ARHGEF3: variants seen among roughly 807,000 people sequenced by gnomAD.
ARHGEF3 encodes the protein Rho guanine nucleotide exchange factor 3.
A neutral mutation model predicts 63.2 loss-of-function variants in ARHGEF3; 28 were observed. The observed-to-expected ratio is 0.44, with a 90% CI of 0.33 to 0.61. The LOEUF (loss-of-function observed/expected upper bound fraction) is 0.61, where lower values mean the gene tolerates loss of function less well. Ranked by LOEUF, ARHGEF3 falls within the 20% of genes least tolerant of loss-of-function variation. The pLI is 0.03. For missense variants in ARHGEF3, 533 were observed against 659.3 expected (o/e 0.81, Z 2.10); for synonymous variants, 266 against 254.2 (o/e 1.05, Z -0.44).
At position 56,871,475 on chromosome 3, in the gene ARHGEF3, G is replaced by T. The variant is rs2040429899; in HGVS notation, c.192+10817C>A. 2.0e-5 allele frequency among the ~76,000 whole-genome samples: 3 copies of T among 151,940 alleles called. No individual in the cohort carries two copies. In the South Asian group the frequency reaches 6.2e-4, roughly 32 times the overall value. On this transcript the variant is annotated intron_variant, in intron 4 of 12. Transcript: ENST00000338458. The stretch of plus-strand genomic sequence containing the variant: ...CTAAAAACAAAAACAAAAAACAAAG[G>T]TTAAAAAAAGCAATGTGAAGGACCA...
chr3:56,789,816 C>T (rs1043557968), intron 1 of ARHGEF3, among the ~76,000 whole-genome samples: 3 of 152,066 alleles, frequency 2.0e-5, no homozygotes, highest in African/African-American at 7.2e-5. Flanking sequence ...TAAACAGAAA[C>T]TAACTTTAAA....
At chr3:56,819,820 G>A (rs564094040) in intron 4 of ARHGEF3, among the ~76,000 whole-genome samples, 15 of 149,360 alleles carry the variant, frequency 1.0e-4, no homozygotes, top group African/African-American at 3.2e-4. Flanking sequence ...TGCATCTGGT[G>A]CAACTTTTTT....
chr3:56,871,726 A>T (rs1202717818), intron 4 of ARHGEF3, among the ~76,000 whole-genome samples: 1 of 152,246 alleles, frequency 6.6e-6, no homozygotes, highest in Admixed American at 6.5e-5. Flanking sequence ...TTATCATAAC[A>T]GACTGAGTGT....
intron 2 of ARHGEF3, among the ~76,000 whole-genome samples, chr3:57,002,483 A>ATATATGT (rs1553802500): frequency 2.5e-5 from 1 of 40,684 alleles, no homozygotes; most frequent in Non-Finnish European, 4.2e-5. Flanking sequence ...TATATGTTAT[A>ATATATGT]TATATATATA....
At chr3:56,909,084 C>T (rs1204553510) in intron 3 of ARHGEF3, among the ~76,000 whole-genome samples, 4 of 152,294 alleles carry the variant, frequency 2.6e-5, no homozygotes, top group South Asian at 2.1e-4. Context: ...AACACCGCTT[C>T]GCTTCTGGAG....
At chr3:57,030,637 T>C (rs1455458532) in intron 2 of ARHGEF3, among the ~76,000 whole-genome samples, 1 of 152,126 alleles carries the variant, frequency 6.6e-6, no homozygotes, top group East Asian at 1.9e-4. Context: ...CCCTCAAAAT[T>C]CTCTCCTTTG....
chr3:56,738,981 G>C lies in ARHGEF3; in HGVS notation c.871-1626C>G, dbSNP rs192131386. Among the ~76,000 whole-genome samples, 11 of 152,168 alleles carry C rather than the reference G, an allele frequency of 7.2e-5. No homozygotes were observed. In the East Asian group the frequency reaches 1.9e-3, roughly 27 times the overall value. Reference sequence around the variant, plus strand: ...GAGGTGGTGCCCACCTATCATTCCAGCTGCTTGGGAGGCTGAGGTGGGAAA... The same window carrying C: ...GAGGTGGTGCCCACCTATCATTCCACCTGCTTGGGAGGCTGAGGTGGGAAA... On this transcript the variant is annotated intron_variant, in intron 7 of 9. Coordinates refer to ENST00000296315, the MANE Select transcript of ARHGEF3 (RefSeq NM_019555.3).
At chr3:57,004,945 G>A (rs1427980776) in intron 2 of ARHGEF3, among the ~76,000 whole-genome samples, 13 of 151,768 alleles carry the variant, frequency 8.6e-5, no homozygotes. Flanking sequence ...GAGTGACAGA[G>A]CAAGACTCCA....
At chr3:56,902,713 C>T (rs898687025) in intron 3 of ARHGEF3, among the ~76,000 whole-genome samples, 3 of 152,142 alleles carry the variant, frequency 2.0e-5, no homozygotes, top group Admixed American at 1.3e-4. Context: ...TGAAGCTGGC[C>T]CTGGTTTCAG....
At chr3:56,895,026 C>T (rs1438613069) in intron 3 of ARHGEF3, among the ~76,000 whole-genome samples, 1 of 152,194 alleles carries the variant, frequency 6.6e-6, no homozygotes, top group Non-Finnish European at 1.5e-5. Flanking sequence ...ATGACAGTGT[C>T]ACTAAAGAAG....
chr3:56,738,959 G>A (rs2033826316), intron 7 of ARHGEF3, among the ~76,000 whole-genome samples: 1 of 152,082 alleles, frequency 6.6e-6, no homozygotes, highest in Non-Finnish European at 1.5e-5. Flanking sequence ...GCCAGGCGAG[G>A]TGGTGCCCAC....
chr3:56,937,081 GA>G (rs1398103300), intron 3 of ARHGEF3, among the ~76,000 whole-genome samples: 2 of 152,142 alleles, frequency 1.3e-5, no homozygotes, highest in Non-Finnish European at 2.9e-5. Flanking sequence ...GAGTATCTGA[GA>G]ATCAAAAAGG....
At chr3:57,034,584 G>A (rs1227957632) in intron 2 of ARHGEF3, among the ~76,000 whole-genome samples, 4 of 151,518 alleles carry the variant, frequency 2.6e-5, no homozygotes, top group South Asian at 2.1e-4. Context: ...TGGCAGAGAC[G>A]TGAAAGAAAC....
chr3:56,844,697 G>C (rs1578658483), intron 4 of ARHGEF3, among the ~76,000 whole-genome samples: 1 of 152,236 alleles, frequency 6.6e-6, no homozygotes, highest in East Asian at 1.9e-4. Flanking sequence ...GGATTTCATG[G>C]AACAAGGATT....
At chr3:56,797,226 G>A (rs796574831) in intron 1 of ARHGEF3, among the ~76,000 whole-genome samples, 2 of 152,182 alleles carry the variant, frequency 1.3e-5, no homozygotes, top group South Asian at 4.1e-4. Context: ...TTGAGACTCA[G>A]GCAGTCTTAT....
chr3:56,765,384 C>T (rs569527844), intron 2 of ARHGEF3, among the ~76,000 whole-genome samples: 1 of 152,218 alleles, frequency 6.6e-6, no homozygotes, highest in African/African-American at 2.4e-5. Flanking sequence ...CTTGGATACC[C>T]ATTACAAGAC....
At chr3:57,065,249 G>A (rs1482429444) in intron 1 of ARHGEF3, among the ~76,000 whole-genome samples, 1 of 152,180 alleles carries the variant, frequency 6.6e-6, no homozygotes, top group East Asian at 1.9e-4. Flanking sequence ...ATAACTTGAG[G>A]TCAGGAGTTC....
At chr3:56,974,629 T>C (rs1701050443) in intron 2 of ARHGEF3, among the ~76,000 whole-genome samples, 1 of 152,204 alleles carries the variant, frequency 6.6e-6, no homozygotes, top group Non-Finnish European at 1.5e-5. Flanking sequence ...GTCCAGAAGT[T>C]GCTTTTAAAA....
chr3:56,969,187 G>A (rs907887128), intron 2 of ARHGEF3, among the ~76,000 whole-genome samples: 3 of 152,008 alleles, frequency 2.0e-5, no homozygotes, highest in Non-Finnish European at 2.9e-5. Context: ...CCCTAAATAG[G>A]TAATATCCCA....
Sources: gnomAD v4.1 joint callset for allele counts (sites outside exome capture counted in the v4.1 genomes callset) on GRCh38, gnomAD v4.1.1 for gene constraint, MANE v1.5 for transcripts, NCBI Gene and HGNC (gene_info 2026-07-23, HGNC 2026-07-21) for gene names.